Variants in ROBO2 observed in about 807,000 individuals in gnomAD.
The protein encoded by ROBO2 is roundabout guidance receptor 2.
A neutral mutation model predicts 160.8 loss-of-function variants in ROBO2; 53 were observed. The observed-to-expected ratio is 0.33, with a 90% CI of 0.26 to 0.41. The LOEUF (loss-of-function observed/expected upper bound fraction) is 0.41. Ranked by LOEUF, ROBO2 falls within the 10% of genes least tolerant of loss-of-function variation. The pLI is 1.00. For missense variants in ROBO2, 1,577 were observed against 1,722.4 expected (o/e 0.92, Z 1.49); for synonymous variants, 664 against 611.7 (o/e 1.09, Z -1.26).
chr3:76,322,341 G>GCTTCATTTAT (rs2072634248), intron 2 of ROBO2, among the ~76,000 whole-genome samples: 1 of 151,114 alleles, frequency 6.6e-6, no homozygotes, highest in African/African-American at 2.4e-5. Context: ...TATAACGTTT[G>GCTTCATTTAT]CTTCATTTAT....
intron 2 of ROBO2, among the ~76,000 whole-genome samples, chr3:76,362,612 T>G (rs183671912): frequency 6.6e-6 from 1 of 152,260 alleles, no homozygotes; most frequent in East Asian, 1.9e-4. Context: ...TACATGTGTG[T>G]AATATGTTGC....
intron 2 of ROBO2, among the ~76,000 whole-genome samples, chr3:76,678,379 G>A (rs2092467801): frequency 6.6e-6 from 1 of 152,044 alleles, no homozygotes; most frequent in Non-Finnish European, 1.5e-5. Flanking sequence ...TAATGAACTT[G>A]GTGTTAATGG....
intron 2 of ROBO2, among the ~76,000 whole-genome samples, chr3:75,991,885 G>A (rs2065584147): frequency 6.6e-6 from 1 of 152,186 alleles, no homozygotes; most frequent in South Asian, 2.1e-4. Flanking sequence ...GGTTACTCTT[G>A]TTATGCTTTA....
intron 2 of ROBO2, among the ~76,000 whole-genome samples, chr3:76,981,559 A>G (rs1309195716): frequency 6.6e-6 from 1 of 152,200 alleles, no homozygotes; most frequent in Non-Finnish European, 1.5e-5. Flanking sequence ...TATTTTAGGT[A>G]TAAGTTATCA....
intron 2 of ROBO2, among the ~76,000 whole-genome samples, chr3:76,540,974 A>G (rs2082783523): frequency 6.6e-6 from 1 of 151,884 alleles, no homozygotes; most frequent in Non-Finnish European, 1.5e-5. Flanking sequence ...TAAATTTTGT[A>G]TTTTTAGTAG....
intron 2 of ROBO2, among the ~76,000 whole-genome samples, chr3:76,736,968 GCT>G (rs1430468148): frequency 6.6e-6 from 1 of 152,164 alleles, no homozygotes; most frequent in Non-Finnish European, 1.5e-5. Context: ...ACTCTATCCT[GCT>G]TTTATGTGCA....
intron 2 of ROBO2, among the ~76,000 whole-genome samples, chr3:77,230,069 T>G (rs2086977750): frequency 6.6e-6 from 1 of 152,100 alleles, no homozygotes; most frequent in African/African-American, 2.4e-5. Flanking sequence ...ACTCTAGGGT[T>G]GTTACTTGAA....
At chr3:77,451,614 T>C (rs924324860) in intron 2 of ROBO2, among the ~76,000 whole-genome samples, 2 of 152,196 alleles carry the variant, frequency 1.3e-5, no homozygotes, top group East Asian at 1.9e-4. Context: ...AAGATCTCAC[T>C]CTTTGACTAT....
chr3:77,277,212 C>CTTCT (rs1553883029), intron 2 of ROBO2, among the ~76,000 whole-genome samples: 33 of 80,076 alleles, frequency 4.1e-4, no homozygotes, highest in South Asian at 3.2e-3. Context: ...TTCTTTCTTT[C>CTTCT]TTCTTTCTTT....
intron 2 of ROBO2, among the ~76,000 whole-genome samples, chr3:76,058,946 A>C (rs2067964085): frequency 1.3e-5 from 2 of 151,464 alleles, no homozygotes; most frequent in Non-Finnish European, 2.9e-5. Flanking sequence ...GATGGTTTCC[A>C]GCTTCACCCA....
At chr3:77,457,245 G>C (rs562995722) in intron 2 of ROBO2, among the ~76,000 whole-genome samples, 2 of 152,178 alleles carry the variant, frequency 1.3e-5, no homozygotes, top group South Asian at 2.1e-4. Flanking sequence ...AGGTGATTTT[G>C]GGTTGTCAAG....
chr3:76,909,172 A>G (rs2075808789), intron 2 of ROBO2, among the ~76,000 whole-genome samples: 1 of 152,186 alleles, frequency 6.6e-6, no homozygotes, highest in Non-Finnish European at 1.5e-5. Flanking sequence ...GGTTGCAGTG[A>G]GCTGCGATCA....
chr3:77,150,612 GAAC>G (rs1246465762), intron 2 of ROBO2, among the ~76,000 whole-genome samples: 6 of 151,616 alleles, frequency 4.0e-5, no homozygotes, highest in Non-Finnish European at 5.9e-5. Flanking sequence ...CCCTTGCAAA[GAAC>G]AACAGAAAAG....
intron 2 of ROBO2, among the ~76,000 whole-genome samples, chr3:76,174,085 GT>G: frequency 6.6e-6 from 1 of 152,244 alleles, no homozygotes; most frequent in South Asian, 2.1e-4. Context: ...TCTCATTGTG[GT>G]TTTGATTTGC....
At chr3:77,259,109 C>G (rs1405883274) in intron 2 of ROBO2, among the ~76,000 whole-genome samples, 1 of 152,194 alleles carries the variant, frequency 6.6e-6, no homozygotes, top group Non-Finnish European at 1.5e-5. Flanking sequence ...TCCTCGTATT[C>G]ACATCCAATT....
intron 2 of ROBO2, among the ~76,000 whole-genome samples, chr3:77,206,951 G>A (rs1363634386): frequency 2.6e-5 from 4 of 152,074 alleles, no homozygotes; most frequent in Non-Finnish European, 4.4e-5. Flanking sequence ...GCTCGTTAAT[G>A]GTACACAGTA....
chr3:76,847,076 G>A (rs986983906), intron 2 of ROBO2, among the ~76,000 whole-genome samples: 9 of 152,170 alleles, frequency 5.9e-5, no homozygotes, highest in South Asian at 2.1e-4. Context: ...CAGTGCCTAC[G>A]TGGTTAATTT....
intron 15 of ROBO2, among the ~76,000 whole-genome samples, chr3:77,578,240 T>A (rs1179075359): frequency 6.6e-6 from 1 of 152,150 alleles, no homozygotes; most frequent in Non-Finnish European, 1.5e-5. Context: ...CATCATTTGG[T>A]GTGTAAAGTA....
intron 2 of ROBO2, among the ~76,000 whole-genome samples, chr3:77,305,657 A>G (rs1473333574): frequency 1.3e-5 from 2 of 152,228 alleles, no homozygotes; most frequent in African/African-American, 2.4e-5. Flanking sequence ...CCTGAAGAGT[A>G]GCACCTTTCC....
Sources: gnomAD v4.1 joint callset for allele counts (sites outside exome capture counted in the v4.1 genomes callset) on GRCh38, gnomAD v4.1.1 for gene constraint, MANE v1.5 for transcripts, NCBI Gene and HGNC (gene_info 2026-07-23, HGNC 2026-07-21) for gene names.